The following NLK variants were observed in gnomAD, a reference collection of about 807,000 sequenced individuals.
NLK encodes nemo like kinase.
NLK carries 11 observed loss-of-function variants against 59.0 expected under a neutral mutation model. The observed-to-expected ratio is 0.19, with a 90% confidence interval of 0.12 to 0.31. NLK has a LOEUF of 0.31. Among genes scored for constraint, NLK ranks in the 10% least tolerant of loss-of-function variants. The probability of loss-of-function intolerance (pLI) is 1.00; values close to 1 mark genes in which losing one functional copy is unlikely to be tolerated. For synonymous variants in NLK, 235 were observed against 235.9 expected, an observed-to-expected ratio of 1.00 and a Z score of 0.03; for missense variants, 410 against 661.1, an observed-to-expected ratio of 0.62 and a Z score of 4.16.
the NLK span, among the ~76,000 whole-genome samples, chr17:28,204,426 C>A: frequency 6.6e-6 from 1 of 152,276 alleles, no homozygotes; most frequent in East Asian, 1.9e-4. Context: ...TGATGAAGAT[C>A]TGGACTGTGG....
At chr17:28,163,176 G>A (rs1234999275) in intron 4 of NLK, among the ~76,000 whole-genome samples, 1 of 152,198 alleles carries the variant, frequency 6.6e-6, no homozygotes, top group Non-Finnish European at 1.5e-5. Context: ...TGTTTTGTTG[G>A]AGCAGGCTCC....
At chr17:28,103,427 T>G (rs1904970468) in intron 1 of NLK, among the ~76,000 whole-genome samples, 1 of 152,238 alleles carries the variant, frequency 6.6e-6, no homozygotes, top group African/African-American at 2.4e-5. Context: ...TATTCATCCA[T>G]ATATATTTGT....
chr17:28,044,994 TTTTA>T (rs1221299757), intron 1 of NLK, among the ~76,000 whole-genome samples: 18 of 152,204 alleles, frequency 1.2e-4, no homozygotes, highest in African/African-American at 2.7e-4. Context: ...GCAGTTTTTA[TTTTA>T]TTTATTTATT....
intron 1 of NLK, among the ~76,000 whole-genome samples, chr17:28,111,865 T>C (rs934981754): frequency 1.8e-5 from 2 of 111,494 alleles, no homozygotes; most frequent in Non-Finnish European, 3.6e-5. Context: ...TTATACCGTG[T>C]GTGTGTGTGT....
intron 8 of NLK, among the ~76,000 whole-genome samples, chr17:28,190,483 C>G (rs966649897): frequency 2.6e-5 from 4 of 152,092 alleles, no homozygotes; most frequent in Admixed American, 2.6e-4. Context: ...GACTAGACTT[C>G]TGATATTCAG....
At chr17:28,137,038 A>G (rs1225468424) in intron 3 of NLK, among the ~76,000 whole-genome samples, 2 of 151,982 alleles carry the variant, frequency 1.3e-5, no homozygotes, top group Non-Finnish European at 2.9e-5. Flanking sequence ...TAAAAATATT[A>G]AAGATTAATA....
At position 28,119,683 on chromosome 17, in the gene NLK, G is replaced by T. The variant is rs138190150; in HGVS notation, c.459-2920G>T. 5.5e-3 allele frequency among the ~76,000 whole-genome samples: 838 copies of T among 152,264 alleles called. 7 individuals carry two copies. The highest frequency in any genetic ancestry group is 0.019 in the African/African-American group (801 of 41,548). On this transcript the variant is annotated intron_variant, in intron 1 of 10. Coordinates refer to ENST00000407008, the MANE Select transcript of NLK (RefSeq NM_016231.5). ...TCATGAGGGGATACTAAAGTTAATGGATCAAAGTTCAGTGAGGAATAGGAT... is the reference window on the plus strand; with the variant it reads ...TCATGAGGGGATACTAAAGTTAATGTATCAAAGTTCAGTGAGGAATAGGAT...
intron 2 of NLK, 123 bp downstream of exon 2, chr17:28,122,855 T>G: frequency 2.0e-6 from 2 of 1,002,576 alleles, no homozygotes; most frequent in African/African-American, 1.6e-5. Context: ...TATAGTTTTA[T>G]GCCAAATGTG....
intron 1 of NLK, among the ~76,000 whole-genome samples, chr17:28,110,062 T>C (rs1241430907): frequency 6.6e-6 from 1 of 152,228 alleles, no homozygotes; most frequent in Non-Finnish European, 1.5e-5. Context: ...TGTTCCCTTA[T>C]TTAAATCTTC....
intron 1 of NLK, among the ~76,000 whole-genome samples, chr17:28,100,203 G>C (rs1390131351): frequency 6.6e-6 from 1 of 152,090 alleles, no homozygotes; most frequent in Admixed American, 6.5e-5. Flanking sequence ...CTTAGGAATG[G>C]AATTTCTAAT....
At chr17:28,110,658 T>G (rs961014306) in intron 1 of NLK, among the ~76,000 whole-genome samples, 3 of 152,086 alleles carry the variant, frequency 2.0e-5, no homozygotes, top group Non-Finnish European at 4.4e-5. Context: ...ACTGCATAGG[T>G]CTCTGAGGTT....
At chr17:28,106,323 A>G (rs1288204923) in intron 1 of NLK, among the ~76,000 whole-genome samples, 1 of 152,210 alleles carries the variant, frequency 6.6e-6, no homozygotes, top group Non-Finnish European at 1.5e-5. Flanking sequence ...AATAATTTCA[A>G]TTCGTATATA....
At chr17:28,119,987 A>G (rs1456712191) in intron 1 of NLK, among the ~76,000 whole-genome samples, 2 of 152,344 alleles carry the variant, frequency 1.3e-5, no homozygotes, top group Non-Finnish European at 2.9e-5. Flanking sequence ...CATGAAAGAC[A>G]TGCCAAATAA....
chr17:28,070,542 C>T (rs946909036), intron 1 of NLK, among the ~76,000 whole-genome samples: 1 of 150,942 alleles, frequency 6.6e-6, no homozygotes, highest in African/African-American at 2.4e-5. Flanking sequence ...TTAGTAGAGA[C>T]GGGTTTCACC....
At chr17:28,084,160 C>G (rs1158853967) in intron 1 of NLK, among the ~76,000 whole-genome samples, 2 of 152,174 alleles carry the variant, frequency 1.3e-5, no homozygotes, top group Admixed American at 1.3e-4. Context: ...AGTTGCGTGA[C>G]TATGAACACC....
downstream of NLK, among the ~76,000 whole-genome samples, chr17:28,196,982 T>C (rs529765468): frequency 9.9e-5 from 15 of 152,226 alleles, no homozygotes; most frequent in Non-Finnish European, 1.6e-4. Context: ...TTTCCTGACA[T>C]TGAGGCAGTT....
chr17:28,144,564 T>G (rs1179134548), intron 3 of NLK, among the ~76,000 whole-genome samples: 1 of 152,198 alleles, frequency 6.6e-6, no homozygotes, highest in African/African-American at 2.4e-5. Context: ...TAATTTGAGC[T>G]TCTGAAAAGC....
downstream of NLK, among the ~76,000 whole-genome samples, chr17:28,199,739 T>G (rs912736779): frequency 7.9e-6 from 1 of 127,046 alleles, no homozygotes; most frequent in African/African-American, 3.0e-5. Context: ...TAACAGCCAC[T>G]AAAAAGAAAA....
chr17:28,051,157 T>C (rs2142735002), intron 1 of NLK, among the ~76,000 whole-genome samples: 1 of 151,308 alleles, frequency 6.6e-6, no homozygotes, highest in East Asian at 1.9e-4. Flanking sequence ...TGATAGTAAA[T>C]AGATCATTGA....
Sources: gnomAD v4.1 joint callset for allele counts (sites outside exome capture counted in the v4.1 genomes callset) on GRCh38, gnomAD v4.1.1 for gene constraint, MANE v1.5 for transcripts, NCBI Gene and HGNC (gene_info 2026-07-23, HGNC 2026-07-21) for gene names.